The following CD109 variants were observed in gnomAD, a reference collection of about 807,000 sequenced individuals.
The protein encoded by CD109 is CD109 molecule.
In CD109, 149 loss-of-function variants were observed where a neutral mutation model predicts 165.8. The ratio of observed to expected loss-of-function variants is 0.90; its 90% confidence interval spans 0.79 to 1.03. The LOEUF is 1.03. CD109 is among the 50% of genes least tolerant of loss of function. The pLI is 0.00. For missense variants in CD109, 1,712 were observed against 1,677.8 expected, an observed-to-expected ratio of 1.02 and a Z score of -0.36; for synonymous variants, 585 against 592.1, an observed-to-expected ratio of 0.99 and a Z score of 0.18.
At chr6:73,707,419 G>A (rs1469643762) in intron 2 of CD109, among the ~76,000 whole-genome samples, 2 of 152,120 alleles carry the variant, frequency 1.3e-5, no homozygotes, top group Non-Finnish European at 2.9e-5. Context: ...AGCTACAGAG[G>A]AGGAACAAGG....
At chr6:73,688,980 G>A in the CD109 span, among the ~76,000 whole-genome samples, 1 of 151,940 alleles carries the variant, frequency 6.6e-6, no homozygotes, top group South Asian at 2.1e-4. Context: ...ATGTTGCCCA[G>A]GCTGGTCTCG....
rs1030345536 is a variant in CD109, at chr6:73,747,765, C to T, written c.634-8878C>T. Among the ~76,000 whole-genome samples the T allele has an allele frequency of 3.3e-5, 5 of 152,152 alleles. No individual in the cohort carries two copies. In the East Asian group the frequency reaches 7.7e-4, roughly 23 times the overall value. On this transcript the variant is annotated intron_variant, in intron 5 of 32. Coordinates refer to ENST00000287097, the MANE Select transcript of CD109 (RefSeq NM_133493.5). ...TACCTTATTTAATTCTCTATCCATT[C>T]GGCTGTGCAGGCTGGTAACCTTAGA...
chr6:73,692,175 A>G (rs1309185565), upstream of CD109, among the ~76,000 whole-genome samples: 5 of 152,204 alleles, frequency 3.3e-5, no homozygotes, highest in Admixed American at 2.0e-4. Flanking sequence ...GAAATTGGGG[A>G]TTTGACATAA....
chr6:73,718,942 G>A (rs918605743), intron 2 of CD109, among the ~76,000 whole-genome samples: 17 of 152,042 alleles, frequency 1.1e-4, no homozygotes, highest in African/African-American at 4.1e-4. Context: ...TCCAATACAA[G>A]TATAAGTCAA....
chr6:73,766,897 T>G lies in CD109; in HGVS notation c.1434+37T>G, dbSNP rs201095400. The G allele has an allele frequency of 1.4e-5, 23 of 1,607,348 alleles. No homozygotes were observed. The African/African-American group carries it at 2.7e-4, about 19-fold the overall frequency. ...AATTCACTTGAGAATTACAATATAA[T>G]TGGACTATCTTGCTTTTGATATGTA... On this transcript the variant is annotated intron_variant, in intron 12 of 32. Coordinates refer to ENST00000287097, the MANE Select transcript of CD109 (RefSeq NM_133493.5).
intron 14 of CD109, among the ~76,000 whole-genome samples, chr6:73,769,865 T>G (rs1773975542): frequency 6.6e-6 from 1 of 152,118 alleles, no homozygotes; most frequent in Non-Finnish European, 1.5e-5. Flanking sequence ...CTACATACAG[T>G]GGTTTGAGAG....
chr6:73,800,006 G>A (rs1016786809), intron 23 of CD109, among the ~76,000 whole-genome samples: 4 of 151,842 alleles, frequency 2.6e-5, no homozygotes, highest in African/African-American at 9.7e-5. Context: ...ACAGGCACAT[G>A]CCACCATGCT....
At chr6:73,694,697 CAG>C (rs1298756434), upstream of CD109, 1 of 152,272 alleles carries the variant, frequency 6.6e-6, no homozygotes, top group Non-Finnish European at 1.5e-5. Flanking sequence ...CCTGCCAAGT[CAG>C]AGTCTGTTTT....
At chr6:73,814,278 A>G (rs757144842) in intron 29 of CD109, among the ~76,000 whole-genome samples, 5 of 152,136 alleles carry the variant, frequency 3.3e-5, no homozygotes, top group Non-Finnish European at 7.4e-5. Flanking sequence ...AAAAAAGGGG[A>G]TGAGGTAAAA....
Position 73,696,278 on chromosome 6 carries a change from C to T in CD109, c.63C>T (p.Ala21=). The change falls in exon 1 of 33, where the codon GCC becomes GCT. Residue 21 remains alanine, a synonymous_variant. Transcript: ENST00000287097. The part of the protein sequence containing the change: ...HLLCVCTAAL[A]VAPGPRFLVT... ...TCTGCGTGTGCACCGCCGCGCTGGC[C>T]GTGGCTCCCGGGTAGGAACGTGGGC... 1 of 1,526,538 alleles carries T rather than the reference C, an allele frequency of 6.6e-7. No individual in the cohort carries two copies. Among genetic ancestry groups the T allele is most frequent in the Non-Finnish European group, 8.8e-7 (1 of 1,142,558 alleles). 94.6% of individuals were successfully genotyped at this position (1,526,538 alleles called of 1,614,324 possible).
Position 73,725,275 on chromosome 6 carries a change from G to A in CD109, c.276+1996G>A, listed in dbSNP as rs554081661. ...GTAAGATGAAAATAAATCCTGTGTCGTATATTTGCCCTATAGCAGAAGGAG... is the reference window on the plus strand; with the variant it reads ...GTAAGATGAAAATAAATCCTGTGTCATATATTTGCCCTATAGCAGAAGGAG... On this transcript the variant is annotated intron_variant, in intron 3 of 32. Coordinates refer to ENST00000287097, the MANE Select transcript of CD109 (RefSeq NM_133493.5). 3.4e-4 allele frequency among the ~76,000 whole-genome samples: 52 copies of A among 152,218 alleles called. 1 individual carries two copies. The South Asian group carries it at 7.9e-3, about 23-fold the overall frequency.
intron 2 of CD109, among the ~76,000 whole-genome samples, chr6:73,708,173 G>A (rs907435596): frequency 9.9e-5 from 15 of 151,594 alleles, no homozygotes; most frequent in African/African-American, 1.7e-4. Flanking sequence ...GACAGGCCCC[G>A]GTGTGTGATG....
chr6:73,798,943 C>G (rs937423615), intron 23 of CD109, among the ~76,000 whole-genome samples: 1 of 152,046 alleles, frequency 6.6e-6, no homozygotes, highest in Non-Finnish European at 1.5e-5. Context: ...GGATTGAGGG[C>G]CTCAAACCTA....
At chr6:73,807,837 T>C (rs181739698) in intron 25 of CD109, among the ~76,000 whole-genome samples, 7 of 152,322 alleles carry the variant, frequency 4.6e-5, no homozygotes, top group Admixed American at 2.0e-4. Flanking sequence ...GCAAAAGCTC[T>C]ACTTTTTTCT....
chr6:73,794,252 C>T (rs1203656379), intron 23 of CD109, among the ~76,000 whole-genome samples: 1 of 152,048 alleles, frequency 6.6e-6, no homozygotes, highest in Non-Finnish European at 1.5e-5. Context: ...AAGAATTTAC[C>T]CATGGTGGTC....
At chr6:73,720,411 G>A (rs563667342) in intron 2 of CD109, among the ~76,000 whole-genome samples, 1 of 152,198 alleles carries the variant, frequency 6.6e-6, no homozygotes, top group East Asian at 1.9e-4. Context: ...TTATACGGGA[G>A]GAATAATTTC....
intron 31 of CD109, 102 bp downstream of exon 31, chr6:73,818,637 C>T (rs1359982144): frequency 1.2e-5 from 13 of 1,109,014 alleles, no homozygotes; most frequent in African/African-American, 1.6e-5. Flanking sequence ...ATTGTTATTT[C>T]AACTTTTTGT....
At position 73,815,031 on chromosome 6, in the gene CD109, A is replaced by T; in HGVS notation, c.3819A>T (p.Arg1273Ser). The stretch of plus-strand genomic sequence containing the variant: ...CTTCTGGGTCTTCTAGAAGACGAAG[A>T]TCTATCCAAAATCAAGAAGCCTTTG... ...VKASGSSRRRRSIQNQEAFDL... is the reference protein window; with the variant it reads ...VKASGSSRRRSSIQNQEAFDL... The change falls in exon 30 of 33, where the codon AGA (arginine) becomes AGT (serine). Residue 1273 changes from arginine to serine, a missense_variant. By Grantham distance (110) the Arg-to-Ser change is moderately radical. Transcript: ENST00000287097. 1 of 1,586,548 alleles carries T rather than the reference A, an allele frequency of 6.3e-7. No homozygotes were observed. Among genetic ancestry groups the T allele is most frequent in the Middle Eastern group, 1.7e-4 (1 of 5,898 alleles).
intron 2 of CD109, among the ~76,000 whole-genome samples, chr6:73,706,866 T>TATTTATGATTTA (rs1771286026): frequency 6.6e-6 from 1 of 152,240 alleles, no homozygotes; most frequent in African/African-American, 2.4e-5. Context: ...AAAATATAGC[T>TATTTATGATTTA]GGCAGAAATG....
Sources: allele counts gnomAD v4.1 joint callset (sites outside exome capture counted in the v4.1 genomes callset), GRCh38; gene constraint gnomAD v4.1.1; transcripts MANE v1.5; gene names NCBI Gene and HGNC (gene_info 2026-07-23, HGNC 2026-07-21).